POLR1C: variants seen among roughly 807,000 people sequenced by gnomAD.
POLR1C encodes the protein RNA polymerase I and III subunit C, also known as DNA-directed RNA polymerases I and III subunit RPAC1.
POLR1C carries 42 observed loss-of-function variants against 38.3 expected under a neutral mutation model. The observed-to-expected ratio is 1.10, with a 90% CI of 0.86 to 1.42. The LOEUF (loss-of-function observed/expected upper bound fraction) is 1.42. Ranked by LOEUF, POLR1C falls within the 40% of genes most tolerant of loss-of-function variation. POLR1C has a pLI of 0.00. For synonymous variants in POLR1C, 163 were observed against 163.9 expected, an observed-to-expected ratio of 0.99 and a Z score of 0.04; for missense variants, 507 against 450.5, an observed-to-expected ratio of 1.13 and a Z score of -1.14.
At chr6:43,526,064 T>G, downstream of POLR1C, 1 of 766,588 alleles carries the variant, frequency 1.3e-6, no homozygotes, top group South Asian at 1.8e-5. Context: ...CCCTCCCACC[T>G]CCACATAATG....
downstream of POLR1C, chr6:43,523,267 C>T (rs1793309817): frequency 4.5e-6 from 1 of 222,358 alleles, no homozygotes; most frequent in Non-Finnish European, 9.1e-6. Context: ...TAGCAGTAGC[C>T]TGTACCATGG....
intron 8 of POLR1C, chr6:43,528,016 A>C (rs1793709805): frequency 4.7e-6 from 4 of 854,804 alleles, no homozygotes; most frequent in African/African-American, 1.7e-5. Flanking sequence ...TGTCCAGACA[A>C]GCCATGTATC....
chr6:43,537,659 C>G (rs1794420032), intron 9 of POLR1C, among the ~76,000 whole-genome samples: 1 of 151,968 alleles, frequency 6.6e-6, no homozygotes, highest in Non-Finnish European at 1.5e-5. Flanking sequence ...AACAAAATAA[C>G]AAAAATAAAG....
chr6:43,545,151 G>A (rs1186570258), intron 9 of POLR1C, among the ~76,000 whole-genome samples: 1 of 152,046 alleles, frequency 6.6e-6, no homozygotes, highest in Non-Finnish European at 1.5e-5. Flanking sequence ...GGGATTACAG[G>A]TGTGAGCCAC....
downstream of POLR1C, chr6:43,521,591 C>A: frequency 1.7e-6 from 1 of 602,342 alleles, no homozygotes; most frequent in Non-Finnish European, 2.5e-6. Context: ...GTGGTGCAAT[C>A]TCAGCTCACT....
Position 43,520,190 on chromosome 6 carries a change from G to A in POLR1C, c.502+5G>A, listed in dbSNP as rs1793068110. On this transcript the variant is annotated splice_donor_5th_base_variant and intron_variant, in intron 5 of 8. Coordinates refer to ENST00000642195, the MANE Select transcript of POLR1C (RefSeq NM_203290.4). ...AACTGTACGTGAACCACAAAGGTGA[G>A]TAGTGGTAGGGTGAGGAAGAGGCCC... is the stretch of plus-strand genomic sequence containing the variant. 1 of 1,614,110 alleles carries A rather than the reference G, an allele frequency of 6.2e-7. No individual in the cohort carries two copies.
At chr6:43,529,378 TA>T (rs35493258) in exon 9 of POLR1C, 17,017 of 120,748 alleles carry the variant, frequency 0.14, 97 homozygotes, top group South Asian at 0.19. Context: ...CCGTCTCTAC[TA>T]AAAAAAAAAA....
intron 10 of POLR1C, chr6:43,558,822 T>G: frequency 2.4e-6 from 1 of 411,770 alleles, no homozygotes; most frequent in Non-Finnish European, 4.3e-6. Flanking sequence ...ATCCTCCAAG[T>G]TCCTCAGGGA....
In POLR1C at chr6:43,526,960, G is replaced by C. The variant is rs141477051; in HGVS notation, c.923-2289G>C. On this transcript the variant is annotated intron_variant, in intron 8 of 8. Coordinates refer to the POLR1C transcript ENST00000304004. ...GTCCTTCAAGTTCAACTAGCTGAGA[G>C]AAAATTACAGAATTCTCTGAGAGTG... 4,660 of 549,554 alleles carry C rather than the reference G, an allele frequency of 8.5e-3. 29 individuals are homozygous for C. The highest frequency in any genetic ancestry group is 0.024 in the Middle Eastern group (49 of 2,016). The allele number at this position is 549,554 out of a possible 1,614,324, so 34.0% of individuals were successfully genotyped here.
At chr6:43,558,600 A>C in intron 10 of POLR1C, 1 of 1,571,920 alleles carries the variant, frequency 6.4e-7, no homozygotes, top group South Asian at 1.2e-5. Context: ...ATCTGGAAAA[A>C]GAAAGGTAAT....
rs755584363 is a variant in POLR1C, at chr6:43,546,690, T to C, written c.*5-4278T>C. The C allele has an allele frequency of 6.2e-6, 10 of 1,613,098 alleles. No individual in the cohort carries two copies. The South Asian group carries it at 9.9e-5, about 16-fold the overall frequency. On this transcript the variant is annotated intron_variant, in intron 9 of 10. Transcript: ENST00000607635. ...CAAATCCCCCAGCTTTGGCCTCTTC[T>C]AGGTCAGTGGGCCAGCAAGTTCGTT...
chr6:43,522,661 C>T (rs557107187), downstream of POLR1C: 127 of 466,486 alleles, frequency 2.7e-4, no homozygotes, highest in Middle Eastern at 1.3e-3. Context: ...GCCTGTGGCC[C>T]GCACCAGCTA....
chr6:43,520,441 G>T lies in POLR1C; in HGVS notation c.655+14G>T. 6.2e-7 allele frequency: 1 copy of T among 1,613,120 alleles called. No homozygotes were observed. The highest frequency in any genetic ancestry group is 8.5e-7 in the Non-Finnish European group (1 of 1,180,016). On this transcript the variant is annotated intron_variant, in intron 6 of 8. Coordinates refer to ENST00000642195, the MANE Select transcript of POLR1C (RefSeq NM_203290.4). ...TCAAGGGCATTGGTGAGAACCCTGTGTGCCTTCCTGGGAAGGGGGATAGTT... is the reference window on the plus strand; with the variant it reads ...TCAAGGGCATTGGTGAGAACCCTGTTTGCCTTCCTGGGAAGGGGGATAGTT...
At chr6:43,539,402 G>A (rs1166020951) in intron 9 of POLR1C, 4 of 1,575,060 alleles carry the variant, frequency 2.5e-6, no homozygotes, top group African/African-American at 2.7e-5. Context: ...ATCCTTGAGA[G>A]AGGCCCCCAG....
At chr6:43,549,697 G>T in intron 9 of POLR1C, 1 of 1,256,602 alleles carries the variant, frequency 8.0e-7, no homozygotes. Context: ...ACAACCCTAA[G>T]AGTATAATGG....
chr6:43,548,252 C>G (rs1433389286), intron 9 of POLR1C: 1 of 1,583,294 alleles, frequency 6.3e-7, no homozygotes, highest in East Asian at 2.3e-5. Flanking sequence ...GGCAAGGGAT[C>G]TCCTTTACCT....
chr6:43,521,204 G>T lies in POLR1C; in HGVS notation c.945G>T (p.Val315=), dbSNP rs1217306780. The T allele has an allele frequency of 6.2e-7, 1 of 1,613,982 alleles. No homozygotes were observed. The highest frequency in any genetic ancestry group is 8.5e-7 in the Non-Finnish European group (1 of 1,180,030). The change falls in exon 9 of 9, where the codon GTG becomes GTT. Residue 315 remains valine (V), a synonymous_variant. Transcript: ENST00000642195. ...CAGTCTCTGTTGAGTCAACGGGGGT[G>T]TTGCCACCAGATGTGCTGGTGAGTG... ...HYIFSVESTG[V]LPPDVLVSEA...
At chr6:43,527,092 G>A (rs1793645022) in intron 8 of POLR1C, 2 of 252,386 alleles carry the variant, frequency 7.9e-6, no homozygotes, top group Admixed American at 4.8e-5. Flanking sequence ...CCATGTCCAA[G>A]AATTTAAAAC....
chr6:43,517,914 C>G (rs1333467235), intron 2 of POLR1C, among the ~76,000 whole-genome samples: 1 of 152,088 alleles, frequency 6.6e-6, no homozygotes, highest in Non-Finnish European at 1.5e-5. Flanking sequence ...AGGCAACTGA[C>G]CTTTGCGTGC....
Sources: gnomAD v4.1 joint callset for allele counts (sites outside exome capture counted in the v4.1 genomes callset) on GRCh38, gnomAD v4.1.1 for gene constraint, MANE v1.5 for transcripts, NCBI Gene and HGNC (gene_info 2026-07-23, HGNC 2026-07-21) for gene names.